GPR160: variants seen among roughly 807,000 people sequenced by gnomAD.
The protein encoded by GPR160 is probable G protein-coupled receptor 160.
A neutral mutation model predicts 2.6 loss-of-function variants in GPR160; 2 were observed. That is an observed-to-expected ratio of 0.77 (90% CI 0.32 to 2.44). The LOEUF (loss-of-function observed/expected upper bound fraction) is 2.44. Ranked by LOEUF, GPR160 falls within the 30% of genes most tolerant of loss-of-function variation. GPR160 has a pLI of 0.11. For synonymous variants in GPR160, 130 were observed against 132.2 expected (o/e 0.98, Z 0.12); for missense variants, 351 against 383.6 (o/e 0.91, Z 0.71).
intron 3 of GPR160, chr3:170,083,611 A>G (rs74992189): frequency 0.012 from 1,864 of 158,352 alleles, 40 homozygotes; most frequent in African/African-American, 0.042. Context: ...AGATAAAACC[A>G]TTTCTCTATC....
At chr3:170,058,662 G>A (rs985650216) in intron 2 of GPR160, among the ~76,000 whole-genome samples, 6 of 152,156 alleles carry the variant, frequency 3.9e-5, no homozygotes, top group African/African-American at 1.4e-4. Flanking sequence ...AATTATGTAA[G>A]CATTCACCCT....
intron 2 of GPR160, chr3:170,062,588 C>CA (rs1442541901): frequency 4.9e-5 from 56 of 1,143,782 alleles, no homozygotes; most frequent in Non-Finnish European, 6.8e-5. Context: ...TTTTCCAAAC[C>CA]AAAAATGTGA....
chr3:170,054,825 G>A (rs1711549718), intron 2 of GPR160, among the ~76,000 whole-genome samples: 1 of 146,292 alleles, frequency 6.8e-6, no homozygotes, highest in Admixed American at 6.9e-5. Flanking sequence ...ACGAAGTCTT[G>A]CTCTGTCACC....
At chr3:170,071,653 G>A (rs577957201) in intron 2 of GPR160, among the ~76,000 whole-genome samples, 3 of 152,006 alleles carry the variant, frequency 2.0e-5, no homozygotes, top group Non-Finnish European at 2.9e-5. Context: ...AAAATTAGCC[G>A]GGCATGGTGG....
rs781475418 is a variant in GPR160 at position 170,084,852 on chromosome 3, T to C, written c.880T>C (p.Phe294Leu). The C allele has an allele frequency of 2.5e-6, 4 of 1,610,610 alleles. No individual in the cohort carries two copies. Among genetic ancestry groups the C allele is most frequent in the Non-Finnish European group, 3.4e-6 (4 of 1,177,208 alleles). Reference protein sequence around the residue: ...NSFLIATVYWFNCHKLNLKDI... With the variant: ...NSFLIATVYWLNCHKLNLKDI... ...TTTTCTCATTGCTACAGTGTATTGGTTTAATTGTCACAAGCTTAATTTAAA... is the reference window on the plus strand; with the variant it reads ...TTTTCTCATTGCTACAGTGTATTGGCTTAATTGTCACAAGCTTAATTTAAA... The change falls in exon 4 of 4, where the codon TTT becomes CTT. Residue 294 changes from phenylalanine to leucine, a missense_variant. Transcript: ENST00000355897.
At chr3:170,050,108 G>A (rs924995094) in intron 2 of GPR160, among the ~76,000 whole-genome samples, 37 of 151,272 alleles carry the variant, frequency 2.4e-4, no homozygotes, top group African/African-American at 8.3e-4. Context: ...TGACCAGGCT[G>A]GAGTGCAATG....
intron 3 of GPR160, among the ~76,000 whole-genome samples, chr3:170,082,003 A>G (rs1259892582): frequency 6.6e-6 from 1 of 152,108 alleles, no homozygotes; most frequent in Non-Finnish European, 1.5e-5. Context: ...CCATGTTTTT[A>G]CTATTGTCAC....
At chr3:170,082,552 A>G (rs1713186216) in intron 3 of GPR160, among the ~76,000 whole-genome samples, 1 of 152,136 alleles carries the variant, frequency 6.6e-6, no homozygotes, top group Non-Finnish European at 1.5e-5. Context: ...TCTGGTTCCA[A>G]GCATTTCTGA....
At chr3:170,066,411 T>C (rs1228286858) in intron 2 of GPR160, among the ~76,000 whole-genome samples, 8 of 152,098 alleles carry the variant, frequency 5.3e-5, no homozygotes, top group Non-Finnish European at 8.8e-5. Flanking sequence ...AGTGCTGGGA[T>C]TACAGGTGTG....
At chr3:170,082,973 G>GTT (rs34311852) in intron 3 of GPR160, among the ~76,000 whole-genome samples, 4,833 of 136,316 alleles carry the variant, frequency 0.035, 99 homozygotes, top group Middle Eastern at 0.068. Flanking sequence ...CATTTTTGGG[G>GTT]TTTTTTTTTT....
rs368190363 is a variant in GPR160 at position 170,076,961 on chromosome 3, C to A, written c.-192-2813C>A. Among the ~76,000 whole-genome samples, 50 of 152,316 alleles carry A rather than the reference C, an allele frequency of 3.3e-4. 4 individuals are homozygous for A. The South Asian group carries it at 0.01, about 32-fold the overall frequency. On this transcript the variant is annotated intron_variant, in intron 2 of 3. Transcript: ENST00000355897. ...CTTTGAAGTCAGACTTGAGGTTGAA[C>A]TTTAGCTCCAACACTTACGAGTCAT... is the stretch of plus-strand genomic sequence containing the variant.
rs1276567188 is a variant in GPR160, at chr3:170,073,219, A to C, written c.-192-6555A>C. ...AAAAAAGAAAAAATTATTGCCTATT[A>C]TAATTTGTTGTGACAGCCCTAGGAA... On this transcript the variant is annotated intron_variant, in intron 2 of 3. Coordinates refer to ENST00000355897, the MANE Select transcript of GPR160 (RefSeq NM_014373.3). Among the ~76,000 whole-genome samples the C allele has an allele frequency of 5.1e-4, 78 of 152,204 alleles. 1 individual carries two copies. Among genetic ancestry groups the C allele is most frequent in the African/African-American group, 1.7e-3 (69 of 41,552 alleles).
intron 3 of GPR160, among the ~76,000 whole-genome samples, chr3:170,082,765 T>TTC (rs1446937747): frequency 6.6e-6 from 1 of 151,152 alleles, no homozygotes; most frequent in African/African-American, 2.4e-5. Flanking sequence ...CCAGGTAATT[T>TTC]TTTTTTTTTT....
At chr3:170,049,141 C>T (rs372577564) in intron 2 of GPR160, among the ~76,000 whole-genome samples, 143 of 152,296 alleles carry the variant, frequency 9.4e-4, no homozygotes, top group African/African-American at 3.3e-3. Context: ...TCAGTAACAC[C>T]GGTTCAGGGA....
intron 2 of GPR160, among the ~76,000 whole-genome samples, chr3:170,049,615 G>A (rs1324985663): frequency 1.3e-5 from 2 of 152,164 alleles, no homozygotes; most frequent in African/African-American, 2.4e-5. Context: ...CAGGGAGCAG[G>A]GTCATGCCTC....
chr3:170,072,804 C>T (rs1271383677), intron 2 of GPR160, among the ~76,000 whole-genome samples: 4 of 152,164 alleles, frequency 2.6e-5, no homozygotes, highest in African/African-American at 9.7e-5. Flanking sequence ...CTAGGCTCCA[C>T]CTTCAGCATT....
rs1273500686 is a variant in GPR160, at chr3:170,064,514, C to CTTTTCTTT, written c.-192-15256_-192-15255insCTTTTTTT. On this transcript the variant is annotated intron_variant, in intron 2 of 3. Transcript: ENST00000355897. ...GGGACCCATTCTTTTCTTTTCTTTT[C>CTTTTCTTT]TTTTTTTTTTTTTTTTTTTTTTGAG... Among the ~76,000 whole-genome samples, 56 of 81,020 alleles carry CTTTTCTTT rather than the reference C, an allele frequency of 6.9e-4. 1 individual carries two copies. Among genetic ancestry groups the CTTTTCTTT allele is most frequent in the East Asian group, 3.4e-3 (8 of 2,382 alleles). 53.2% of individuals were successfully genotyped at this position (81,020 alleles called of 152,430 possible). A position where few individuals can be genotyped will look rare whatever the true frequency, so the allele number is the denominator to read the frequency against.
At position 170,084,198 on chromosome 3, in the gene GPR160, A is replaced by G. The variant is rs769237975; in HGVS notation, c.226A>G (p.Ile76Val). 2.5e-6 allele frequency: 4 copies of G among 1,593,674 alleles called. No homozygotes were observed. The highest frequency in any genetic ancestry group is 2.6e-6 in the Non-Finnish European group (3 of 1,168,384). ...DLLLLVNISI[I>V]LYFRDFVLLS... ...TTTACTTTTGGTAAACATTTCCATT[A>G]TATTGTATTTCAGGGATTTTGTACT... is the stretch of plus-strand genomic sequence containing the variant. The change falls in exon 4 of 4, where the codon ATA (isoleucine) becomes GTA (valine). Residue 76 changes from isoleucine to valine, a missense_variant. Ile to Val is a conservative substitution (Grantham distance 29). Coordinates refer to ENST00000355897, the MANE Select transcript of GPR160 (RefSeq NM_014373.3).
Position 170,038,673 on chromosome 3 carries a change from T to C in GPR160, c.-321-242T>C, listed in dbSNP as rs571529836. ...ACACACGCGCGCGCGCGCGCGTGCG[T>C]GCATTCATTGGGGCCGACTTTGCCT... is the stretch of plus-strand genomic sequence containing the variant. On this transcript the variant is annotated intron_variant, in intron 1 of 3. Coordinates refer to ENST00000355897, the MANE Select transcript of GPR160 (RefSeq NM_014373.3). This position sits in a 1 kb window ranked among gnomAD's most constrained non-coding sequence, Gnocchi z 5.3. The C allele has an allele frequency of 1.3e-5, 2 of 151,852 alleles. No individual in the cohort carries two copies. Among genetic ancestry groups the C allele is most frequent in the East Asian group, 3.9e-4 (2 of 5,066 alleles). The allele number at this position is 151,852 out of a possible 1,614,324, so 9.4% of individuals were successfully genotyped here. A position where few individuals can be genotyped will look rare whatever the true frequency, so the allele number is the denominator to read the frequency against.
Sources: allele counts gnomAD v4.1 joint callset (sites outside exome capture counted in the v4.1 genomes callset), GRCh38; gene constraint gnomAD v4.1.1; non-coding constraint Gnocchi (gnomAD v3.1); transcripts MANE v1.5; gene names NCBI Gene and HGNC (gene_info 2026-07-23, HGNC 2026-07-21).